Variants in LTBP1 observed in about 807,000 individuals in gnomAD.
LTBP1 encodes the protein latent-transforming growth factor beta-binding protein 1.
Under a neutral mutation model 207.6 loss-of-function variants are expected in LTBP1, and 129 were observed. That is an observed-to-expected ratio of 0.62 (90% confidence interval 0.54 to 0.72). The LOEUF (loss-of-function observed/expected upper bound fraction) is 0.72. Among genes scored for constraint, LTBP1 ranks in the 30% least tolerant of loss-of-function variants. LTBP1 has a pLI of 0.00. For missense variants in LTBP1, 2,281 were observed against 2,217.2 expected (o/e 1.03, Z -0.58); for synonymous variants, 963 against 833.7 (o/e 1.16, Z -2.67).
At chr2:33,192,712 T>C (rs1167600452) in intron 7 of LTBP1, among the ~76,000 whole-genome samples, 2 of 152,216 alleles carry the variant, frequency 1.3e-5, no homozygotes, top group Non-Finnish European at 2.9e-5. Flanking sequence ...TGTGTTGTTA[T>C]AACAGAGTGT....
intron 8 of LTBP1, among the ~76,000 whole-genome samples, chr2:33,221,593 C>T (rs1038269079): frequency 2.0e-5 from 3 of 152,170 alleles, no homozygotes; most frequent in Non-Finnish European, 4.4e-5. Context: ...CTGGGATACC[C>T]GATCCAGCAA....
chr2:33,302,660 C>G (rs906541868), intron 22 of LTBP1, among the ~76,000 whole-genome samples: 2 of 152,070 alleles, frequency 1.3e-5, no homozygotes, highest in Non-Finnish European at 2.9e-5. Flanking sequence ...GTTTTAAAGG[C>G]CTTAAAGTGT....
intron 22 of LTBP1, among the ~76,000 whole-genome samples, chr2:33,303,003 G>A (rs1042922551): frequency 1.1e-4 from 16 of 145,734 alleles, no homozygotes; most frequent in Admixed American, 2.7e-4. Context: ...ACAAACACAC[G>A]CACACACACC....
chr2:33,049,636 ATTT>A (rs1163321985), intron 3 of LTBP1, among the ~76,000 whole-genome samples: 1 of 152,124 alleles, frequency 6.6e-6, no homozygotes, highest in African/African-American at 2.4e-5. Flanking sequence ...TTTAAATTTC[ATTT>A]TTATCTCAGC....
intron 2 of LTBP1, among the ~76,000 whole-genome samples, chr2:32,969,652 A>G (rs992343237): frequency 3.9e-5 from 6 of 152,048 alleles, no homozygotes; most frequent in Non-Finnish European, 5.9e-5. Context: ...TACATACCAC[A>G]TTTTTTCCTA....
In LTBP1 at chr2:33,273,679, C is replaced by T. The variant is rs1362813402; in HGVS notation, c.2641C>T (p.Pro881Ser). 1 of 1,607,300 alleles carries T rather than the reference C, an allele frequency of 6.2e-7. No individual in the cohort carries two copies. The highest frequency in any genetic ancestry group is 8.5e-7 in the Non-Finnish European group (1 of 1,177,028). Residue 881 changes from proline (P) to serine (S), a missense_variant, in exon 16 of 34, where the codon CCT (proline) becomes TCT (serine). Coordinates refer to ENST00000404816, the MANE Select transcript of LTBP1 (RefSeq NM_206943.4). ...VTEINECTVN[P>S]DICGAGHCIN... ...AGAAATCAATGAATGTACTGTGAAC[C>T]CTGATATCTGTGGAGCAGGACACTG...
chr2:33,210,382 A>G (rs1477622410), intron 7 of LTBP1, among the ~76,000 whole-genome samples: 1 of 152,170 alleles, frequency 6.6e-6, no homozygotes, highest in African/African-American at 2.4e-5. Flanking sequence ...TGTGAATGAT[A>G]TACTTTGTCC....
At chr2:33,283,581 C>T (rs901546807) in intron 19 of LTBP1, among the ~76,000 whole-genome samples, 4 of 152,008 alleles carry the variant, frequency 2.6e-5, no homozygotes, top group Admixed American at 6.5e-5. Flanking sequence ...GGACTACAGG[C>T]GCCCGCCACC....
intron 2 of LTBP1, among the ~76,000 whole-genome samples, chr2:32,989,100 T>C (rs1204149785): frequency 2.6e-5 from 4 of 152,230 alleles, no homozygotes; most frequent in African/African-American, 7.2e-5. Flanking sequence ...GGAACATTGC[T>C]ATAACGGAGT....
chr2:33,237,755 T>C (rs549961374), intron 9 of LTBP1, among the ~76,000 whole-genome samples: 18 of 152,360 alleles, frequency 1.2e-4, no homozygotes, highest in African/African-American at 4.3e-4. Context: ...GTGAGAATTT[T>C]ACCTTTCAAG....
At chr2:33,242,515 C>T (rs2092363554) in intron 9 of LTBP1, among the ~76,000 whole-genome samples, 1 of 152,010 alleles carries the variant, frequency 6.6e-6, no homozygotes, top group Non-Finnish European at 1.5e-5. Context: ...TAAAACTGAA[C>T]TCCTCTTCTT....
intron 7 of LTBP1, among the ~76,000 whole-genome samples, chr2:33,215,152 A>G (rs552804515): frequency 6.6e-6 from 1 of 152,236 alleles, no homozygotes; most frequent in South Asian, 2.1e-4. Context: ...TAATAATAAT[A>G]ATAATGATAA....
At chr2:33,177,760 C>G (rs1467900627) in intron 5 of LTBP1, among the ~76,000 whole-genome samples, 1 of 152,172 alleles carries the variant, frequency 6.6e-6, no homozygotes, top group Non-Finnish European at 1.5e-5. Flanking sequence ...TATTATATAG[C>G]TACTAAAATC....
At chr2:32,979,164 T>TTA (rs1307365621) in intron 2 of LTBP1, among the ~76,000 whole-genome samples, 1 of 151,492 alleles carries the variant, frequency 6.6e-6, no homozygotes, top group African/African-American at 2.4e-5. Context: ...CATTGATCTT[T>TTA]TATATATATA....
In LTBP1 at chr2:33,020,994, C is replaced by G. The variant is rs142863202; in HGVS notation, c.651C>G (p.Ala217=). ...CVCKPGTKGK[A]CETIAAQDTS... is the part of the protein sequence containing the mutation. Reference sequence around the variant, plus strand: ...GTAAACCAGGGACCAAGGGCAAAGCCTGTGAAACAATAGCTGCCCAGGACA... The same window carrying G: ...GTAAACCAGGGACCAAGGGCAAAGCGTGTGAAACAATAGCTGCCCAGGACA... The change falls in exon 3 of 34, where the codon GCC becomes GCG. Residue 217 remains alanine (A), a synonymous_variant. Transcript: ENST00000404816. The G allele has an allele frequency of 8.1e-6, 13 of 1,613,688 alleles. No individual in the cohort carries two copies. The highest frequency in any genetic ancestry group is 1.0e-5 in the Non-Finnish European group (12 of 1,179,796).
At chr2:33,336,322 G>A (rs1049302633) in intron 24 of LTBP1, among the ~76,000 whole-genome samples, 1 of 152,190 alleles carries the variant, frequency 6.6e-6, no homozygotes, top group Non-Finnish European at 1.5e-5. Flanking sequence ...CATGGTGACA[G>A]GTAAGAGAAT....
chr2:33,274,663 GC>G (rs1283737639), intron 16 of LTBP1, among the ~76,000 whole-genome samples: 1 of 152,188 alleles, frequency 6.6e-6, no homozygotes, highest in African/African-American at 2.4e-5. Context: ...AAATTCCATT[GC>G]TTGGATGTCT....
intron 19 of LTBP1, among the ~76,000 whole-genome samples, chr2:33,280,552 G>T (rs2148556933): frequency 6.6e-6 from 1 of 152,242 alleles, no homozygotes; most frequent in African/African-American, 2.4e-5. Context: ...AGTATCAAAG[G>T]TAGTGCTTTA....
intron 3 of LTBP1, among the ~76,000 whole-genome samples, chr2:33,102,870 A>T (rs188614898): frequency 5.8e-4 from 88 of 151,544 alleles, no homozygotes; most frequent in African/African-American, 2.1e-3. Context: ...CTGTATGCAC[A>T]ATCTGTAATG....
Sources: allele counts gnomAD v4.1 joint callset (sites outside exome capture counted in the v4.1 genomes callset), GRCh38; gene constraint gnomAD v4.1.1; transcripts MANE v1.5; gene names NCBI Gene and HGNC (gene_info 2026-07-23, HGNC 2026-07-21).